The following ADARB2 variants were observed in gnomAD, a reference collection of about 807,000 sequenced individuals.
The protein encoded by ADARB2 is adenosine deaminase RNA specific B2 (inactive).
Under a neutral mutation model 62.2 loss-of-function variants are expected in ADARB2, and 25 were observed. The observed-to-expected ratio is 0.40, with a 90% CI of 0.29 to 0.56. ADARB2 has a LOEUF of 0.56. Among genes scored for constraint, ADARB2 ranks in the 20% least tolerant of loss-of-function variants. The pLI is 0.43. For missense variants in ADARB2, 1,071 were observed against 1,077.4 expected, an observed-to-expected ratio of 0.99 and a Z score of 0.08; for synonymous variants, 572 against 500.8, an observed-to-expected ratio of 1.14 and a Z score of -1.90.
At chr10:1,600,661 C>CAAAAAAAAA (rs71379153) in intron 1 of ADARB2, among the ~76,000 whole-genome samples, 5 of 70,668 alleles carry the variant, frequency 7.1e-5, no homozygotes, top group African/African-American at 3.0e-4. Flanking sequence ...GACTCTGTCT[C>CAAAAAAAAA]AAAAAAAAAA....
At chr10:1,637,141 G>C (rs1395136057) in intron 1 of ADARB2, among the ~76,000 whole-genome samples, 1 of 152,182 alleles carries the variant, frequency 6.6e-6, no homozygotes, top group Non-Finnish European at 1.5e-5. Flanking sequence ...TTCTGCCTGA[G>C]CCATTTTATT....
At chr10:1,301,476 T>A (rs1831572324) in intron 3 of ADARB2, among the ~76,000 whole-genome samples, 1 of 152,182 alleles carries the variant, frequency 6.6e-6, no homozygotes, top group South Asian at 2.1e-4. Context: ...ATCAAAATAT[T>A]GAATATCAAT....
intron 3 of ADARB2, among the ~76,000 whole-genome samples, chr10:1,305,429 G>A (rs1456344866): frequency 6.6e-6 from 1 of 151,098 alleles, no homozygotes; most frequent in Non-Finnish European, 1.5e-5. Flanking sequence ...CAACCAAAAA[G>A]AGTCCAGGAC....
chr10:1,235,082 T>A (rs920181827), intron 5 of ADARB2, among the ~76,000 whole-genome samples: 5 of 152,100 alleles, frequency 3.3e-5, no homozygotes, highest in Admixed American at 6.5e-5. Flanking sequence ...TTTTTCCCAC[T>A]GCTGTTCGCC....
At chr10:1,276,112 C>T (rs1289547411) in intron 3 of ADARB2, among the ~76,000 whole-genome samples, 2 of 152,214 alleles carry the variant, frequency 1.3e-5, no homozygotes, top group Middle Eastern at 3.4e-3. Flanking sequence ...AACTAGTTTA[C>T]AGTCCCACCA....
In ADARB2 at chr10:1,184,087, C is replaced by T. The variant is rs146943225; in HGVS notation, c.2044-718G>A. On this transcript the variant is annotated intron_variant, in intron 9 of 9. Transcript: ENST00000381312. ...CTGAGAGCTGCAGGATGCTGGGCGTCTCGGCCAAGCTCAGAGCTAATATGT... is the reference window on the plus strand; with the variant it reads ...CTGAGAGCTGCAGGATGCTGGGCGTTTCGGCCAAGCTCAGAGCTAATATGT... Among the ~76,000 whole-genome samples the T allele has an allele frequency of 2.4e-3, 371 of 152,332 alleles. 3 individuals are homozygous for T. The highest frequency in any genetic ancestry group is 2.2e-3 in the Non-Finnish European group (149 of 68,032).
chr10:1,392,845 A>T (rs1184223365), intron 1 of ADARB2, among the ~76,000 whole-genome samples: 1 of 152,198 alleles, frequency 6.6e-6, no homozygotes. Flanking sequence ...GTTCACTGTC[A>T]TGGGCTGAAT....
intron 1 of ADARB2, among the ~76,000 whole-genome samples, chr10:1,659,939 C>T (rs1442143515): frequency 2.0e-5 from 3 of 149,958 alleles, no homozygotes; most frequent in Non-Finnish European, 4.5e-5. Flanking sequence ...CATTGCCTGC[C>T]CTGCCTGGGC....
At position 1,438,448 on chromosome 10, in the gene ADARB2, G is replaced by A. The variant is rs1460829336; in HGVS notation, c.101-59288C>T. Among the ~76,000 whole-genome samples the A allele has an allele frequency of 2.7e-5, 4 of 146,514 alleles. No individual in the cohort carries two copies. The East Asian group carries it at 8.4e-4, about 31-fold the overall frequency. On this transcript the variant is annotated intron_variant, in intron 1 of 9. Transcript: ENST00000381312. ...AGGCCCTTCACTATGGGGCTCCTGA[G>A]TCTCCTCGGTGGACAGAAGCAGGTT...
chr10:1,413,347 G>T (rs1029005924), intron 1 of ADARB2, among the ~76,000 whole-genome samples: 2 of 152,266 alleles, frequency 1.3e-5, no homozygotes, highest in Non-Finnish European at 2.9e-5. Context: ...TAGAAACGGC[G>T]TCGGGTCTCG....
Position 1,332,428 on chromosome 10 carries a change from A to AT in ADARB2, c.1077+30599_1077+30600insA, listed in dbSNP as rs577578694. 4.1e-3 allele frequency among the ~76,000 whole-genome samples: 597 copies of AT among 146,412 alleles called. 2 individuals are homozygous for AT. The highest frequency in any genetic ancestry group is 5.3e-3 in the South Asian group (25 of 4,736). ...GAGACCTTGTCTCAGAAAAAAAAAA[A>AT]AAATAAATAAAAAATAAAAGAGTAG... is the stretch of plus-strand genomic sequence containing the variant. On this transcript the variant is annotated intron_variant, in intron 3 of 9. Transcript: ENST00000381312.
At chr10:1,635,850 G>A (rs1833912026) in intron 1 of ADARB2, among the ~76,000 whole-genome samples, 3 of 152,172 alleles carry the variant, frequency 2.0e-5, no homozygotes, top group South Asian at 4.1e-4. Context: ...AGTTGCTGGT[G>A]TGGCTGTCAA....
chr10:1,243,599 C>T (rs868800111), intron 4 of ADARB2, among the ~76,000 whole-genome samples: 3 of 152,206 alleles, frequency 2.0e-5, no homozygotes, highest in East Asian at 1.9e-4. Flanking sequence ...GATCTTTCTT[C>T]GTGAGATAAA....
chr10:1,196,238 A>G (rs1836910374), intron 8 of ADARB2, among the ~76,000 whole-genome samples: 1 of 131,468 alleles, frequency 7.6e-6, no homozygotes, highest in African/African-American at 3.0e-5. Flanking sequence ...CAAAGCACTC[A>G]TATTTTGTTT....
intron 3 of ADARB2, among the ~76,000 whole-genome samples, chr10:1,321,674 C>T (rs547281206): frequency 3.3e-5 from 5 of 152,160 alleles, no homozygotes; most frequent in South Asian, 2.1e-4. Context: ...TGTGAGCCAC[C>T]GTGCTACTGA....
At chr10:1,552,370 C>T (rs1832637911) in intron 1 of ADARB2, among the ~76,000 whole-genome samples, 1 of 151,964 alleles carries the variant, frequency 6.6e-6, no homozygotes, top group African/African-American at 2.4e-5. Flanking sequence ...CCTGCAGACC[C>T]ACGGGTGATG....
At chr10:1,530,759 A>T (rs1832222680) in intron 1 of ADARB2, among the ~76,000 whole-genome samples, 1 of 152,092 alleles carries the variant, frequency 6.6e-6, no homozygotes, top group South Asian at 2.1e-4. Context: ...TCTCCAGCTC[A>T]CTGAACTTGT....
intron 3 of ADARB2, among the ~76,000 whole-genome samples, chr10:1,345,430 G>A (rs567223885): frequency 6.6e-6 from 1 of 152,160 alleles, no homozygotes; most frequent in Non-Finnish European, 1.5e-5. Context: ...TTCCCAGAAG[G>A]CTTTCCTTTG....
At chr10:1,265,404 G>A (rs949755621) in intron 4 of ADARB2, among the ~76,000 whole-genome samples, 1 of 152,250 alleles carries the variant, frequency 6.6e-6, no homozygotes, top group Non-Finnish European at 1.5e-5. Context: ...GTATTGTAGG[G>A]GTTCAAGAGG....
Sources: allele counts gnomAD v4.1 joint callset (sites outside exome capture counted in the v4.1 genomes callset), GRCh38; gene constraint gnomAD v4.1.1; transcripts MANE v1.5; gene names NCBI Gene and HGNC (gene_info 2026-07-23, HGNC 2026-07-21).